COL17A1: variants seen among roughly 807,000 people sequenced by gnomAD.
The protein encoded by COL17A1 is collagen type XVII alpha 1 chain, also known as collagen alpha-1(XVII) chain.
In COL17A1, 181 loss-of-function variants were observed where a neutral mutation model predicts 218.4. That is an observed-to-expected ratio of 0.83 (90% CI 0.73 to 0.94). COL17A1 has a LOEUF of 0.94. COL17A1 is among the 40% of genes least tolerant of loss of function. COL17A1 has a pLI of 0.00. For synonymous variants in COL17A1, 721 were observed against 731.0 expected (o/e 0.99, Z 0.22); for missense variants, 1,924 against 1,945.9 (o/e 0.99, Z 0.21).
chr10:104,055,777 C>A lies in COL17A1; in HGVS notation c.1687+5G>T. On this transcript the variant is annotated splice_donor_5th_base_variant and intron_variant, in intron 18 of 55. Transcript: ENST00000648076. ...AGCTGGCCCTGTGCCCGGCGATGCT[C>A]TCACCATTTTCCTGTTCCATCATTA... is the stretch of plus-strand genomic sequence containing the variant. 1 of 1,613,984 alleles carries A rather than the reference C, an allele frequency of 6.2e-7. No homozygotes were observed. Among genetic ancestry groups the A allele is most frequent in the Non-Finnish European group, 8.5e-7 (1 of 1,180,048 alleles).
rs1015154415 is a variant in COL17A1, at chr10:104,076,201, G to A, written c.331+100C>T. The A allele has an allele frequency of 1.3e-5, 21 of 1,584,470 alleles. No homozygotes were observed. The East Asian group carries it at 2.0e-4, about 15-fold the overall frequency. ...ATGAAGGAGGAGTGGGGAGAAAGGT[G>A]AAGGGCAGACACAGGTGGCCAGCAT... On this transcript the variant is annotated intron_variant, in intron 5 of 55. Transcript: ENST00000648076.
In COL17A1 at chr10:104,034,061, T is replaced by C; in HGVS notation, c.4040A>G (p.Tyr1347Cys). The C allele has an allele frequency of 6.2e-7, 1 of 1,614,100 alleles. No individual in the cohort carries two copies. The highest frequency in any genetic ancestry group is 8.5e-7 in the Non-Finnish European group (1 of 1,180,020). Residue 1347 changes from tyrosine (Y) to cysteine (C), a missense_variant, in exon 52 of 56, where the codon TAT becomes TGT. By Grantham distance (194) the Tyr-to-Cys change is radical. Coordinates refer to ENST00000648076, the MANE Select transcript of COL17A1 (RefSeq NM_000494.4). ...YGTDIGPGGG[Y>C]GAAAEGGMYA... ...CATGCCGCCTTCTGCTGCTGCCCCATAGCCTCCGCCTGGGCCGATGTCAGT... is the reference window on the plus strand; with the variant it reads ...CATGCCGCCTTCTGCTGCTGCCCCACAGCCTCCGCCTGGGCCGATGTCAGT...
chr10:104,038,967 G>C lies in COL17A1; in HGVS notation c.2947+104C>G. 6 of 1,286,910 alleles carry C rather than the reference G, an allele frequency of 4.7e-6. No individual in the cohort carries two copies. In the South Asian group the frequency reaches 7.1e-5, roughly 15 times the overall value. The allele number at this position is 1,286,910 out of a possible 1,614,324, so 79.7% of individuals were successfully genotyped here. On this transcript the variant is annotated intron_variant, in intron 44 of 55. Coordinates refer to ENST00000648076, the MANE Select transcript of COL17A1 (RefSeq NM_000494.4). ...ATGGAGAAGACAGCCAATCAACAAC[G>C]AATCATGGAGAAATGAATGAACGAA...
At chr10:104,042,379 AC>A (rs753114437) in intron 36 of COL17A1, 40 bp downstream of exon 36, 1 of 1,611,638 alleles carries the variant, frequency 6.2e-7, no homozygotes, top group South Asian at 1.1e-5. Flanking sequence ...AGTCCTCCCG[AC>A]TGGGCCCATC....
Position 104,057,142 on chromosome 10 carries a change from C to T in COL17A1, c.1298G>A (p.Gly433Asp). ...DIHSYGSSGG[G>D]GSGGGGGVGG... is the part of the protein sequence containing the mutation. ...AACACCGCCACCTCCTCCACTGCCA[C>T]CACCACCACTGCTGCCGTAGCTGTG... Residue 433 changes from glycine to aspartate, a missense_variant, in exon 17 of 56, where the codon GGT (glycine) becomes GAT (aspartate). Physicochemically the swap from Gly to Asp is moderately conservative, Grantham distance 94. Transcript: ENST00000648076. The T allele has an allele frequency of 3.7e-6, 6 of 1,613,564 alleles. No individual in the cohort carries two copies. Among genetic ancestry groups the T allele is most frequent in the South Asian group, 1.1e-5 (1 of 91,076 alleles).
chr10:104,059,617 A>G, intron 15 of COL17A1, 21 bp downstream of exon 15: 1 of 1,608,820 alleles, frequency 6.2e-7, no homozygotes, highest in Non-Finnish European at 8.5e-7. Flanking sequence ...CAAGGTGGAC[A>G]ACAATCATAT....
At chr10:104,034,558 C>G in intron 51 of COL17A1, 63 bp downstream of exon 51, 1 of 1,576,232 alleles carries the variant, frequency 6.3e-7, no homozygotes, top group Non-Finnish European at 8.6e-7. Context: ...CTCCCTGCCC[C>G]ACTTACAGGG....
chr10:104,057,673 C>T (rs532538297), intron 16 of COL17A1, among the ~76,000 whole-genome samples: 1 of 151,828 alleles, frequency 6.6e-6, no homozygotes, highest in African/African-American at 2.4e-5. Flanking sequence ...TTCAGGGGTG[C>T]CTAGTGAATT....
Position 104,035,519 on chromosome 10 carries a change from C to T in COL17A1, c.3463G>A (p.Gly1155Ser). The T allele has an allele frequency of 6.2e-7, 1 of 1,614,044 alleles. No homozygotes were observed. Among genetic ancestry groups the T allele is most frequent in the Non-Finnish European group, 8.5e-7 (1 of 1,179,972 alleles). ...TCCTCATAGGAGGTTCCCGGCAAGC[C>T]AGGGGGCCCCGGGGGACCAGGAAGC... is the stretch of plus-strand genomic sequence containing the variant. ...IGLPGPPGPPGLPGTSYEELL... is the reference protein window; with the variant it reads ...IGLPGPPGPPSLPGTSYEELL... The change falls in exon 49 of 56, where the codon GGC (glycine) becomes AGC (serine). Residue 1155 changes from glycine (G) to serine (S), a missense_variant. Gly to Ser is a moderately conservative substitution (Grantham distance 56). Transcript: ENST00000648076.
At position 104,053,957 on chromosome 10, in the gene COL17A1, T is replaced by C. The variant is rs763921596; in HGVS notation, c.1797A>G (p.Pro599=). Residue 599 remains proline, a synonymous_variant, in exon 22 of 56, where the codon CCA becomes CCG. Coordinates refer to ENST00000648076, the MANE Select transcript of COL17A1 (RefSeq NM_000494.4). ...TTTGACCCTTTGGTCCTTGTGGACC[T>C]GGGTGGCCCAAGGGCCCAGGGATAC... is the stretch of plus-strand genomic sequence containing the variant. ...TPGIPGPLGH[P]GPQGPKGQKG... 32 of 1,610,500 alleles carry C rather than the reference T, an allele frequency of 2.0e-5. 1 individual carries two copies. Among genetic ancestry groups the C allele is most frequent in the East Asian group, 1.3e-4 (6 of 44,890 alleles).
chr10:104,035,418 A>G (rs767936914), intron 49 of COL17A1, 45 bp from the exon 50 acceptor site: 17 of 1,613,374 alleles, frequency 1.1e-5, no homozygotes, highest in Non-Finnish European at 1.4e-5. Flanking sequence ...GGCCTGGGCC[A>G]AGGGACTCTG....
chr10:104,068,585 C>T (rs1228585020), intron 9 of COL17A1, among the ~76,000 whole-genome samples: 1 of 152,180 alleles, frequency 6.6e-6, no homozygotes, highest in African/African-American at 2.4e-5. Flanking sequence ...CCAAATATGC[C>T]TGTGGAATAG....
At chr10:104,055,654 G>A (rs2086515658) in intron 18 of COL17A1, 128 bp downstream of exon 18, 2 of 1,346,716 alleles carry the variant, frequency 1.5e-6, no homozygotes, top group East Asian at 4.9e-5. Context: ...CTATTGAGAG[G>A]ATCAGGGGAG....
At position 104,050,896 on chromosome 10, in the gene COL17A1, C is replaced by T; in HGVS notation, c.2044G>A (p.Val682Ile). ...SPGPQGPPGP[V>I]GLQGLRGEVG... ...TCACCTCGGAGCCCTTGGAGACCTA[C>T]AGGACCTGCCCGGCAGAAGAAACCA... Residue 682 changes from valine (V) to isoleucine (I), a missense_variant, in exon 26 of 56, where the codon GTA becomes ATA. Transcript: ENST00000648076. The T allele has an allele frequency of 6.2e-7, 1 of 1,614,202 alleles. No homozygotes were observed. The highest frequency in any genetic ancestry group is 8.5e-7 in the Non-Finnish European group (1 of 1,180,040).
intron 37 of COL17A1, 38 bp downstream of exon 37, chr10:104,041,447 C>A (rs2086358800): frequency 3.1e-6 from 5 of 1,607,582 alleles, no homozygotes; most frequent in Middle Eastern, 1.7e-4. Flanking sequence ...TCCTGTCCCC[C>A]AAACTCCCCA....
At chr10:104,070,591 T>A in intron 8 of COL17A1, 22 bp from the exon 9 acceptor site, 4 of 1,614,162 alleles carry the variant, frequency 2.5e-6, no homozygotes, top group Non-Finnish European at 3.4e-6. Context: ...TCCACAGACG[T>A]TTCTGTTAAG....
Position 104,034,245 on chromosome 10 carries a change from C to T in COL17A1, c.3856G>A (p.Ala1286Thr). The T allele has an allele frequency of 6.2e-7, 1 of 1,610,060 alleles. No homozygotes were observed. ...PGDSRLLSTD[A>T]SHSRGSSSSS... ...GAGCTGCTACCCCGACTGTGGGAGGCATCCGTGGACAGGAGGCGGCTGTCC... is the reference window on the plus strand; with the variant it reads ...GAGCTGCTACCCCGACTGTGGGAGGTATCCGTGGACAGGAGGCGGCTGTCC... Residue 1286 changes from alanine (A) to threonine (T), a missense_variant, in exon 52 of 56, where the codon GCC (alanine) becomes ACC (threonine). Coordinates refer to ENST00000648076, the MANE Select transcript of COL17A1 (RefSeq NM_000494.4).
chr10:104,081,534 C>T (rs768620336), intron 1 of COL17A1, among the ~76,000 whole-genome samples: 1 of 152,196 alleles, frequency 6.6e-6, no homozygotes, highest in Non-Finnish European at 1.5e-5. Context: ...AGGGTCCCGT[C>T]CCAACTGGGC....
chr10:104,048,201 C>A, intron 29 of COL17A1, 97 bp from the exon 30 acceptor site: 1 of 1,339,934 alleles, frequency 7.5e-7, no homozygotes, highest in Non-Finnish European at 1.1e-6. Context: ...CATTGTGTCC[C>A]AGGAGCCCAC....
Sources: allele counts gnomAD v4.1 joint callset (sites outside exome capture counted in the v4.1 genomes callset), GRCh38; gene constraint gnomAD v4.1.1; transcripts MANE v1.5; gene names NCBI Gene and HGNC (gene_info 2026-07-23, HGNC 2026-07-21).